Variants in MGAM observed in about 807,000 individuals in gnomAD.
The protein encoded by MGAM is maltase-glucoamylase.
Under a neutral mutation model 358.8 loss-of-function variants are expected in MGAM, and 253 were observed. The observed-to-expected ratio is 0.71, with a 90% CI of 0.64 to 0.78. The LOEUF is 0.78. Among genes scored for constraint, MGAM ranks in the 30% least tolerant of loss-of-function variants. The pLI, the probability that MGAM is intolerant of heterozygous loss-of-function variation, is 0.00. For missense variants in MGAM, 3,080 were observed against 3,432.6 expected, an observed-to-expected ratio of 0.90 and a Z score of 2.57; for synonymous variants, 1,105 against 1,227.1, an observed-to-expected ratio of 0.90 and a Z score of 2.08.
chr7:142,095,950 T>A, intron 64 of MGAM: 1 of 715,192 alleles, frequency 1.4e-6, no homozygotes, highest in Non-Finnish European at 2.2e-6. Flanking sequence ...GAATAATTTC[T>A]TTCTAATTTG....
intron 33 of MGAM, 34 bp from the exon 34 acceptor site, chr7:142,060,277 A>G: frequency 1.2e-6 from 2 of 1,606,742 alleles, no homozygotes; most frequent in South Asian, 1.1e-5. Context: ...GAAATTGTCT[A>G]GTGCATCGCT....
Position 142,076,600 on chromosome 7 carries a change from T to C in MGAM, c.5326-59T>C. The C allele has an allele frequency of 5.2e-6, 7 of 1,349,082 alleles. 1 individual carries two copies. Among genetic ancestry groups the C allele is most frequent in the Non-Finnish European group, 7.3e-6 (7 of 961,048 alleles). 83.6% of individuals were successfully genotyped at this position (1,349,082 alleles called of 1,614,324 possible). A position where few individuals can be genotyped will look rare whatever the true frequency, so the allele number is the denominator to read the frequency against. On this transcript the variant is annotated intron_variant, in intron 46 of 70. Transcript: ENST00000475668. ...TCTGGAATAGAATATATGAGTGACT[T>C]GAGAATCTGTGTATTACAGGCATAC...
chr7:142,045,390 T>C (rs1810076192), intron 21 of MGAM, among the ~76,000 whole-genome samples: 1 of 76,288 alleles, frequency 1.3e-5, no homozygotes, highest in South Asian at 4.3e-4. Context: ...ATCCCTATAA[T>C]ACATGATATA....
chr7:142,091,935 T>C lies in MGAM; in HGVS notation c.6833T>C (p.Phe2278Ser), dbSNP rs1815423506. ...TAGCTATATCGAGCTTATGTGGCCT[T>C]CCCAGACTTTTTCCGTAATTCAACT... is the stretch of plus-strand genomic sequence containing the variant. The part of the protein sequence containing the change: ...QVELYRAYVA[F>S]PDFFRNSTAK... Residue 2278 changes from phenylalanine to serine, a missense_variant, in exon 58 of 71, where the codon TTC (phenylalanine) becomes TCC (serine). Transcript: ENST00000475668. 6.6e-7 allele frequency: 1 copy of C among 1,521,506 alleles called. No homozygotes were observed. Among genetic ancestry groups the C allele is most frequent in the Non-Finnish European group, 9.0e-7 (1 of 1,109,622 alleles). The allele number at this position is 1,521,506 out of a possible 1,614,324, so 94.3% of individuals were successfully genotyped here.
intron 47 of MGAM, 133 bp downstream of exon 47, chr7:142,076,959 C>A: frequency 1.9e-6 from 2 of 1,034,128 alleles, no homozygotes; most frequent in Non-Finnish European, 2.9e-6. Flanking sequence ...ATTGAGAGGG[C>A]ACCTTTGATG....
At position 142,058,183 on chromosome 7, in the gene MGAM, A is replaced by G. The variant is rs779551488; in HGVS notation, c.3694-20A>G. 2 of 1,613,140 alleles carry G rather than the reference A, an allele frequency of 1.2e-6. No individual in the cohort carries two copies. Among genetic ancestry groups the G allele is most frequent in the Admixed American group, 1.7e-5 (1 of 59,938 alleles). On this transcript the variant is annotated intron_variant, in intron 30 of 70. Coordinates refer to ENST00000475668, the MANE Select transcript of MGAM (RefSeq NM_001365693.1). ...TGGTGCCTCTGTTCTGAAGACTAAT[A>G]TTTTCTGTCTATTTTCTAGTTGATT...
intron 12 of MGAM, among the ~76,000 whole-genome samples, chr7:142,030,982 C>T (rs1554463482): frequency 6.6e-6 from 1 of 152,088 alleles, no homozygotes; most frequent in East Asian, 1.9e-4. Flanking sequence ...CTTTAAACAA[C>T]AGCTCACACA....
At chr7:142,094,942 A>T in intron 63 of MGAM, 79 bp downstream of exon 63, 1 of 1,407,034 alleles carries the variant, frequency 7.1e-7, no homozygotes, top group Non-Finnish European at 9.7e-7. Flanking sequence ...TGCAGTCTGT[A>T]TTTCCTGTGA....
intron 43 of MGAM, among the ~76,000 whole-genome samples, chr7:142,069,521 G>A (rs1049935626): frequency 7.6e-5 from 11 of 145,664 alleles, no homozygotes; most frequent in African/African-American, 2.4e-4. Flanking sequence ...CAACAAAGGG[G>A]TACAAGCAGG....
At chr7:142,007,717 G>A (rs1278745883) in intron 2 of MGAM, among the ~76,000 whole-genome samples, 1 of 152,130 alleles carries the variant, frequency 6.6e-6, no homozygotes, top group Admixed American at 6.5e-5. Flanking sequence ...TTTTAAATCT[G>A]AATTCAAAGT....
intron 10 of MGAM, 47 bp from the exon 11 acceptor site, chr7:142,030,315 T>C (rs1807357429): frequency 1.3e-6 from 2 of 1,592,150 alleles, no homozygotes; most frequent in East Asian, 4.5e-5. Flanking sequence ...TTCATTTTAC[T>C]ATGGAAATTC....
At chr7:142,039,085 G>T (rs150257940) in intron 19 of MGAM, among the ~76,000 whole-genome samples, 1 of 151,114 alleles carries the variant, frequency 6.6e-6, no homozygotes, top group Non-Finnish European at 1.5e-5. Context: ...AAGACGGGGT[G>T]GGGGGAGTTG....
chr7:142,094,030 A>T (rs1585101733), intron 60 of MGAM, among the ~76,000 whole-genome samples: 1 of 146,350 alleles, frequency 6.8e-6, no homozygotes, highest in East Asian at 2.0e-4. Flanking sequence ...GAATTCTTCT[A>T]AGGACGATCT....
At chr7:142,013,747 G>A (rs782224530) in intron 3 of MGAM, among the ~76,000 whole-genome samples, 1 of 152,182 alleles carries the variant, frequency 6.6e-6, no homozygotes, top group African/African-American at 2.4e-5. Context: ...GAAAGTCTGT[G>A]ACAGATTCCT....
chr7:142,079,640 C>T (rs1467328433), intron 49 of MGAM, among the ~76,000 whole-genome samples: 1 of 146,176 alleles, frequency 6.8e-6, no homozygotes, highest in East Asian at 2.0e-4. Context: ...GTTACGTCTG[C>T]TTCTCTATTA....
Position 142,065,621 on chromosome 7 carries a change from A to T in MGAM, c.4652A>T (p.Tyr1551Phe), listed in dbSNP as rs141258770. ...MMEFSLFGIS[Y>F]TGADICGFFQ... ...GAGTTCAGCCTCTTTGGCATATCCT[A>T]TGTGAGTGTCCTTGGGATCCTCCTA... Residue 1551 changes from tyrosine to phenylalanine, a missense_variant and splice_region_variant, in exon 39 of 71, where the codon TAT becomes TTT. Transcript: ENST00000475668. 1.1e-3 allele frequency: 1,762 copies of T among 1,613,532 alleles called. 10 individuals are homozygous for T. The African/African-American group carries it at 0.018, about 16-fold the overall frequency.
At chr7:142,042,142 A>AT (rs1450357947) in intron 21 of MGAM, among the ~76,000 whole-genome samples, 2 of 56,590 alleles carry the variant, frequency 3.5e-5, no homozygotes, top group African/African-American at 7.8e-5. Context: ...TATAATATAT[A>AT]ACATATAATA....
intron 14 of MGAM, 61 bp downstream of exon 14, chr7:142,032,970 A>G: frequency 8.5e-7 from 1 of 1,169,852 alleles, no homozygotes. Context: ...TAAATTCATA[A>G]GGACAGATCT....
At chr7:142,045,358 T>C (rs1810063314) in intron 21 of MGAM, among the ~76,000 whole-genome samples, 1 of 108,040 alleles carries the variant, frequency 9.3e-6, no homozygotes, top group African/African-American at 3.7e-5. Flanking sequence ...CTATAATACA[T>C]GATATATAAT....
Sources: allele counts gnomAD v4.1 joint callset (sites outside exome capture counted in the v4.1 genomes callset), GRCh38; gene constraint gnomAD v4.1.1; transcripts MANE v1.5; gene names NCBI Gene and HGNC (gene_info 2026-07-23, HGNC 2026-07-21).